PTPRM: variants seen among roughly 807,000 people sequenced by gnomAD.
PTPRM encodes the protein protein tyrosine phosphatase receptor type M, also known as receptor-type tyrosine-protein phosphatase mu.
A neutral mutation model predicts 186.7 loss-of-function variants in PTPRM; 47 were observed. That is an observed-to-expected ratio of 0.25 (90% CI 0.20 to 0.32). The LOEUF (loss-of-function observed/expected upper bound fraction) is 0.32. PTPRM is among the 10% of genes least tolerant of loss of function. The pLI is 1.00. For missense variants in PTPRM, 1,494 were observed against 1,865.0 expected (o/e 0.80, Z 3.66); for synonymous variants, 668 against 674.9 (o/e 0.99, Z 0.16).
intron 1 of PTPRM, among the ~76,000 whole-genome samples, chr18:7,663,761 G>A (rs984979869): frequency 1.3e-5 from 2 of 152,204 alleles, no homozygotes; most frequent in Admixed American, 6.5e-5. Flanking sequence ...ACATGTCGTG[G>A]TGTTTTCATT....
At position 8,079,369 on chromosome 18, in the gene PTPRM, G is replaced by A. The variant is rs188279890; in HGVS notation, c.1551+2805G>A. On this transcript the variant is annotated intron_variant, in intron 9 of 32. Coordinates refer to ENST00000580170, the MANE Select transcript of PTPRM (RefSeq NM_001105244.2). The stretch of plus-strand genomic sequence containing the variant: ...AGTAGCTATCAAAATCTCTTATTTT[G>A]TCGAGTTGTCAATTTAATACTGCCC... Among the ~76,000 whole-genome samples, 8 of 152,192 alleles carry A rather than the reference G, an allele frequency of 5.3e-5. No homozygotes were observed. The East Asian group carries it at 1.4e-3, about 26-fold the overall frequency.
chr18:7,932,814 G>A (rs2051567253), intron 5 of PTPRM, among the ~76,000 whole-genome samples: 1 of 152,088 alleles, frequency 6.6e-6, no homozygotes, highest in Non-Finnish European at 1.5e-5. Context: ...ATATGCATTA[G>A]TTTATACAAA....
chr18:7,882,511 C>A (rs2048562041), intron 2 of PTPRM, among the ~76,000 whole-genome samples: 1 of 152,028 alleles, frequency 6.6e-6, no homozygotes, highest in Non-Finnish European at 1.5e-5. Flanking sequence ...TATTCTAAAT[C>A]CACAAATTTA....
intron 2 of PTPRM, among the ~76,000 whole-genome samples, chr18:7,849,413 T>C (rs1392943963): frequency 6.6e-6 from 1 of 152,248 alleles, no homozygotes; most frequent in Non-Finnish European, 1.5e-5. Context: ...TAGATGGGTC[T>C]CTTTTAGAGT....
chr18:7,752,129 C>T (rs552931036), intron 1 of PTPRM, among the ~76,000 whole-genome samples: 4 of 152,328 alleles, frequency 2.6e-5, no homozygotes, highest in African/African-American at 7.2e-5. Flanking sequence ...CTCCAACTCA[C>T]ACATACAGAA....
intron 20 of PTPRM, among the ~76,000 whole-genome samples, chr18:8,302,977 A>G (rs2095176457): frequency 6.6e-6 from 1 of 152,102 alleles, no homozygotes; most frequent in African/African-American, 2.4e-5. Flanking sequence ...ACTGCTGTGA[A>G]ATCTGAAAGA....
At chr18:7,890,834 G>T (rs1459685317) in intron 3 of PTPRM, among the ~76,000 whole-genome samples, 1 of 152,028 alleles carries the variant, frequency 6.6e-6, no homozygotes. Flanking sequence ...CAGCCATTAA[G>T]AATAATGTTA....
intron 1 of PTPRM, among the ~76,000 whole-genome samples, chr18:7,663,168 C>T (rs1158640733): frequency 6.6e-6 from 1 of 152,154 alleles, no homozygotes; most frequent in Non-Finnish European, 1.5e-5. Flanking sequence ...CCCAGAACCC[C>T]CAGGCCATGG....
chr18:8,296,259 T>C (rs2095095995), intron 19 of PTPRM, 109 bp from the exon 20 acceptor site: 4 of 680,640 alleles, frequency 5.9e-6, no homozygotes, highest in Admixed American at 2.4e-5. Flanking sequence ...TCTGTCGGCA[T>C]TCTTTCCTTC....
At chr18:8,014,279 C>CT (rs1403121783) in intron 7 of PTPRM, among the ~76,000 whole-genome samples, 2 of 152,044 alleles carry the variant, frequency 1.3e-5, no homozygotes, top group African/African-American at 4.8e-5. Flanking sequence ...TTAGAAAGCC[C>CT]TTTTTAAGCA....
At chr18:7,707,391 G>A (rs1291543265) in intron 1 of PTPRM, among the ~76,000 whole-genome samples, 1 of 152,070 alleles carries the variant, frequency 6.6e-6, no homozygotes, top group Non-Finnish European at 1.5e-5. Flanking sequence ...AGCACTTTGG[G>A]AGGCTGAGGC....
At chr18:7,990,938 A>G (rs1385511265) in intron 7 of PTPRM, among the ~76,000 whole-genome samples, 3 of 152,122 alleles carry the variant, frequency 2.0e-5, no homozygotes, top group Non-Finnish European at 4.4e-5. Context: ...TGCTATAGCT[A>G]ATGGAGGTCT....
In PTPRM at chr18:7,679,224, A is replaced by G. The variant is rs529536191; in HGVS notation, c.74-94925A>G. 3.3e-5 allele frequency among the ~76,000 whole-genome samples: 5 copies of G among 152,378 alleles called. No homozygotes were observed. In the South Asian group the frequency reaches 1.0e-3, roughly 32 times the overall value. On this transcript the variant is annotated intron_variant, in intron 1 of 32. Transcript: ENST00000580170. ...TTCATTAAGTAAAACTTAGACCATTAGGAAGATATACTGTTTAAGTATTTA... is the reference window on the plus strand; with the variant it reads ...TTCATTAAGTAAAACTTAGACCATTGGGAAGATATACTGTTTAAGTATTTA...
At chr18:8,157,469 A>G (rs1163650504) in intron 14 of PTPRM, among the ~76,000 whole-genome samples, 1 of 152,060 alleles carries the variant, frequency 6.6e-6, no homozygotes, top group Non-Finnish European at 1.5e-5. Context: ...ATTTCTTTGT[A>G]CCCAAAGAAA....
At chr18:8,369,140 G>C (rs942404385) in intron 23 of PTPRM, among the ~76,000 whole-genome samples, 2 of 152,138 alleles carry the variant, frequency 1.3e-5, no homozygotes, top group South Asian at 4.1e-4. Context: ...GGTATGTTTG[G>C]GGAACAGGGC....
At chr18:7,772,442 TCC>T (rs1491316551) in intron 1 of PTPRM, among the ~76,000 whole-genome samples, 17 of 103,448 alleles carry the variant, frequency 1.6e-4, no homozygotes, top group Non-Finnish European at 2.8e-4. Context: ...CCCTTCCCCT[TCC>T]CCTTCCTTCC....
chr18:8,342,237 C>T (rs1412126128), intron 22 of PTPRM, among the ~76,000 whole-genome samples: 1 of 152,212 alleles, frequency 6.6e-6, no homozygotes. Context: ...TGCAAAAGGA[C>T]AGCTATTAAT....
rs192342441 is a variant in PTPRM at position 7,573,546 on chromosome 18, A to G, written c.73+5655A>G. Among the ~76,000 whole-genome samples, 26 of 152,136 alleles carry G rather than the reference A, an allele frequency of 1.7e-4. No individual in the cohort carries two copies. In the East Asian group the frequency reaches 3.3e-3, roughly 19 times the overall value. On this transcript the variant is annotated intron_variant, in intron 1 of 32. Coordinates refer to ENST00000580170, the MANE Select transcript of PTPRM (RefSeq NM_001105244.2). ...CAGGGTTTGTAGCCACAGTTGAAGAAACGTTGTCCTGAAAGAGGAGGTTTT... is the reference window on the plus strand; with the variant it reads ...CAGGGTTTGTAGCCACAGTTGAAGAGACGTTGTCCTGAAAGAGGAGGTTTT...
intron 1 of PTPRM, among the ~76,000 whole-genome samples, chr18:7,756,530 G>C (rs577110623): frequency 2.6e-5 from 4 of 152,182 alleles, no homozygotes. Flanking sequence ...ATCTCCAGTG[G>C]TGTTGAGATG....
Sources: allele counts gnomAD v4.1 joint callset (sites outside exome capture counted in the v4.1 genomes callset), GRCh38; gene constraint gnomAD v4.1.1; transcripts MANE v1.5; gene names NCBI Gene and HGNC (gene_info 2026-07-23, HGNC 2026-07-21).